The following RUNX1 variants were observed in gnomAD, a reference collection of about 807,000 sequenced individuals.
RUNX1 encodes runt-related transcription factor 1.
RUNX1 carries 19 observed loss-of-function variants against 42.8 expected under a neutral mutation model. That is an observed-to-expected ratio of 0.44 (90% CI 0.31 to 0.65). The LOEUF (loss-of-function observed/expected upper bound fraction) is 0.65, where lower values mean the gene tolerates loss of function less well. Ranked by LOEUF, RUNX1 falls within the 30% of genes least tolerant of loss-of-function variation. The pLI is 0.07. For synonymous variants in RUNX1, 271 were observed against 289.4 expected (o/e 0.94, Z 0.64); for missense variants, 528 against 672.0 (o/e 0.79, Z 2.37).
chr21:34,842,853 G>T (rs1374990754), intron 6 of RUNX1, among the ~76,000 whole-genome samples: 2 of 152,162 alleles, frequency 1.3e-5, no homozygotes, highest in African/African-American at 4.8e-5. Flanking sequence ...CAGATCATGA[G>T]GTCAGGAGTT....
intron 2 of RUNX1, among the ~76,000 whole-genome samples, chr21:35,021,712 C>T (rs1017504007): frequency 1.3e-5 from 2 of 152,218 alleles, no homozygotes; most frequent in African/African-American, 4.8e-5. Flanking sequence ...GCCACAGGGG[C>T]CTGCGCTGAC....
At chr21:34,993,836 C>G (rs2058972660) in intron 2 of RUNX1, among the ~76,000 whole-genome samples, 3 of 151,876 alleles carry the variant, frequency 2.0e-5, no homozygotes. Context: ...GACACACACA[C>G]AGACACACAC....
chr21:34,979,892 T>C (rs2058833845), intron 2 of RUNX1, among the ~76,000 whole-genome samples: 3 of 152,116 alleles, frequency 2.0e-5, no homozygotes, highest in African/African-American at 7.2e-5. Context: ...GTGCTGGGTC[T>C]GCCAGGTGGA....
chr21:34,979,225 G>T (rs560217304), intron 2 of RUNX1, among the ~76,000 whole-genome samples: 1 of 152,122 alleles, frequency 6.6e-6, no homozygotes, highest in African/African-American at 2.4e-5. Context: ...AGTCTTTTTG[G>T]ATTTGATTTT....
chr21:34,865,326 T>G (rs2057645029), intron 5 of RUNX1, among the ~76,000 whole-genome samples: 2 of 109,388 alleles, frequency 1.8e-5, no homozygotes, highest in South Asian at 5.7e-4. Flanking sequence ...GTGTGTGTGT[T>G]CAGCAGGTGA....
intron 2 of RUNX1, among the ~76,000 whole-genome samples, chr21:34,911,711 G>A (rs956762995): frequency 6.6e-6 from 1 of 152,144 alleles, no homozygotes; most frequent in African/African-American, 2.4e-5. Context: ...AGGCCCTGGA[G>A]GAAACCAGCC....
At chr21:34,886,624 C>A (rs1042573365) in intron 4 of RUNX1, among the ~76,000 whole-genome samples, 1 of 152,262 alleles carries the variant, frequency 6.6e-6, no homozygotes, top group Non-Finnish European at 1.5e-5. Flanking sequence ...ATGTTTTCAG[C>A]CCTCCTGGGA....
At chr21:35,036,743 T>C (rs1342923487) in intron 2 of RUNX1, among the ~76,000 whole-genome samples, 1 of 152,196 alleles carries the variant, frequency 6.6e-6, no homozygotes, top group East Asian at 1.9e-4. Flanking sequence ...TGACACTTAG[T>C]GGTATGAGGT....
At chr21:34,916,361 C>A (rs937837070) in intron 2 of RUNX1, among the ~76,000 whole-genome samples, 2 of 152,118 alleles carry the variant, frequency 1.3e-5, no homozygotes, top group Non-Finnish European at 2.9e-5. Context: ...GGGCCCTTCC[C>A]GTGGGCAAAG....
intron 8 of RUNX1, among the ~76,000 whole-genome samples, chr21:34,795,921 A>T (rs769880802): frequency 6.6e-6 from 1 of 152,258 alleles, no homozygotes; most frequent in Non-Finnish European, 1.5e-5. Flanking sequence ...ACACAAATAA[A>T]TGACTCTGCC....
chr21:34,946,961 C>A (rs1471209561), intron 2 of RUNX1, among the ~76,000 whole-genome samples: 1 of 152,188 alleles, frequency 6.6e-6, no homozygotes, highest in Non-Finnish European at 1.5e-5. Flanking sequence ...AGCTACTTCT[C>A]CTCACCTTAG....
intron 3 of RUNX1, chr21:34,888,123 T>C (rs2058024851): frequency 9.4e-7 from 1 of 1,066,234 alleles, no homozygotes; most frequent in African/African-American, 1.6e-5. Flanking sequence ...GCAGCCACTG[T>C]CTACATCAGC....
intron 2 of RUNX1, among the ~76,000 whole-genome samples, chr21:34,893,858 A>G (rs2058107466): frequency 6.6e-6 from 1 of 152,088 alleles, no homozygotes; most frequent in African/African-American, 2.4e-5. Context: ...CAGGAAAACA[A>G]GATTTGCAGC....
At chr21:34,890,833 C>T (rs550475240) in intron 3 of RUNX1, among the ~76,000 whole-genome samples, 4 of 150,936 alleles carry the variant, frequency 2.7e-5, no homozygotes, top group Admixed American at 2.0e-4. Context: ...CCTGCGGGTT[C>T]GGACGCGGCC....
intron 7 of RUNX1, among the ~76,000 whole-genome samples, chr21:34,805,888 A>G (rs1262397548): frequency 6.6e-6 from 1 of 152,258 alleles, no homozygotes; most frequent in African/African-American, 2.4e-5. Flanking sequence ...TGATATAAAC[A>G]GGAAGGAAGA....
intron 6 of RUNX1, among the ~76,000 whole-genome samples, chr21:34,834,937 C>T (rs1226577022): frequency 3.9e-5 from 6 of 152,168 alleles, no homozygotes; most frequent in South Asian, 2.1e-4. Flanking sequence ...GGGAAAGAGG[C>T]GCATTAATTG....
chr21:34,862,400 T>C (rs74493943), intron 5 of RUNX1, among the ~76,000 whole-genome samples: 3,727 of 152,302 alleles, frequency 0.024, 61 homozygotes, highest in Middle Eastern at 0.048. Flanking sequence ...AAATACTGTA[T>C]TTGTTTCCTG....
intron 2 of RUNX1, among the ~76,000 whole-genome samples, chr21:34,998,101 T>G (rs2059010638): frequency 6.6e-6 from 1 of 152,200 alleles, no homozygotes; most frequent in African/African-American, 2.4e-5. Context: ...GCATTGCATC[T>G]TCTATGTTTC....
chr21:35,031,174 C>A (rs866942116), intron 2 of RUNX1, among the ~76,000 whole-genome samples: 12 of 152,250 alleles, frequency 7.9e-5, no homozygotes, highest in Admixed American at 7.8e-4. Flanking sequence ...CATGGAGAGA[C>A]CCTGTCTCTA....
Sources: allele counts gnomAD v4.1 joint callset (sites outside exome capture counted in the v4.1 genomes callset), GRCh38; gene constraint gnomAD v4.1.1; transcripts MANE v1.5; gene names NCBI Gene and HGNC (gene_info 2026-07-23, HGNC 2026-07-21).